Variants in DAW1 observed in about 807,000 individuals in gnomAD.
DAW1 encodes dynein assembly factor with WD repeat domains 1.
DAW1 carries 47 observed loss-of-function variants against 56.5 expected under a neutral mutation model. The observed-to-expected ratio is 0.83, with a 90% confidence interval of 0.66 to 1.06. The LOEUF (loss-of-function observed/expected upper bound fraction) is 1.06. Among genes scored for constraint, DAW1 ranks in the 50% least tolerant of loss-of-function variants. The pLI is 0.00. For synonymous variants in DAW1, 190 were observed against 179.0 expected (o/e 1.06, Z -0.49); for missense variants, 505 against 499.3 (o/e 1.01, Z -0.11).
intron 10 of DAW1, among the ~76,000 whole-genome samples, chr2:227,916,605 C>T (rs539232713): frequency 5.3e-5 from 8 of 152,262 alleles, no homozygotes; most frequent in South Asian, 2.1e-4. Context: ...TAGAAAATTA[C>T]ATATGATAAC....
chr2:227,876,388 C>A, intron 1 of DAW1: 1 of 1,252,626 alleles, frequency 8.0e-7, no homozygotes, highest in Non-Finnish European at 1.1e-6. Context: ...TAATGCTTAT[C>A]TTATAATGAG....
At chr2:227,899,350 T>A (rs1200563642) in intron 6 of DAW1, among the ~76,000 whole-genome samples, 1 of 152,242 alleles carries the variant, frequency 6.6e-6, no homozygotes, top group Non-Finnish European at 1.5e-5. Context: ...TGTTGTACTT[T>A]GAAGTTACTC....
At chr2:227,889,254 C>G (rs1360297258) in intron 2 of DAW1, among the ~76,000 whole-genome samples, 1 of 152,142 alleles carries the variant, frequency 6.6e-6, no homozygotes, top group Non-Finnish European at 1.5e-5. Flanking sequence ...AGACCTGAAA[C>G]AGGGTTATTT....
At position 227,871,655 on chromosome 2, in the gene DAW1, C is replaced by G; in HGVS notation, c.-35C>G. 9 of 1,609,574 alleles carry G rather than the reference C, an allele frequency of 5.6e-6. No individual in the cohort carries two copies. The highest frequency in any genetic ancestry group is 6.8e-6 in the Non-Finnish European group (8 of 1,177,904). ...TGCTGTTTAGCCGTTTCCAAGGCTACGAAGCCCATCGGCCGGGGATAAGAG... is the reference window on the plus strand; with the variant it reads ...TGCTGTTTAGCCGTTTCCAAGGCTAGGAAGCCCATCGGCCGGGGATAAGAG... On this transcript the variant is annotated 5_prime_UTR_variant, in exon 1 of 13. Transcript: ENST00000309931.
chr2:227,894,172 C>T (rs564938253), intron 5 of DAW1, among the ~76,000 whole-genome samples: 18 of 152,112 alleles, frequency 1.2e-4, no homozygotes, highest in Non-Finnish European at 2.2e-4. Context: ...GAGGCCGAGG[C>T]GGTGGATCAC....
chr2:227,922,973 G>A (rs1692145283), intron 12 of DAW1, among the ~76,000 whole-genome samples: 1 of 152,204 alleles, frequency 6.6e-6, no homozygotes, highest in Non-Finnish European at 1.5e-5. Context: ...CCTCATATGA[G>A]GCTGGCTCTG....
rs750185890 is a variant in DAW1 at position 227,918,825 on chromosome 2, A to T, written c.1019A>T (p.Lys340Ile). The T allele has an allele frequency of 1.5e-5, 24 of 1,614,164 alleles. No homozygotes were observed. The highest frequency in any genetic ancestry group is 2.0e-5 in the Non-Finnish European group (24 of 1,180,038). ...GCTGCCACAAGAAAATGCATTGCCA[A>T]ACTGGAAGGTCATGAAGGTGAAATT... ...FSAATRKCIAKLEGHEGEISK... is the reference protein window; with the variant it reads ...FSAATRKCIAILEGHEGEISK... The change falls in exon 11 of 13, where the codon AAA (lysine) becomes ATA (isoleucine). Residue 340 changes from lysine (K) to isoleucine (I), a missense_variant. Transcript: ENST00000309931.
intron 1 of DAW1, among the ~76,000 whole-genome samples, chr2:227,879,140 G>A (rs1400623708): frequency 2.0e-5 from 3 of 152,194 alleles, no homozygotes; most frequent in African/African-American, 7.2e-5. Context: ...AATACATCAA[G>A]GAATAGCTAA....
intron 1 of DAW1, among the ~76,000 whole-genome samples, chr2:227,879,464 A>G (rs1421314777): frequency 2.6e-4 from 40 of 152,020 alleles, no homozygotes; most frequent in Admixed American, 2.6e-3. Flanking sequence ...TTTTGTGGTT[A>G]TGGTTGAAAC....
chr2:227,898,200 G>A lies in DAW1; in HGVS notation c.459G>A (p.Gly153=). The A allele has an allele frequency of 6.4e-7, 1 of 1,572,778 alleles. No individual in the cohort carries two copies. Among genetic ancestry groups the A allele is most frequent in the South Asian group, 1.2e-5 (1 of 81,782 alleles). Residue 153 remains glycine, a synonymous_variant, in exon 6 of 13, where the codon GGG becomes GGA. Transcript: ENST00000309931. ...NNPYGDKIAT[G]SFDKTCKLWS... is the part of the protein sequence containing the mutation. Reference sequence around the variant, plus strand: ...ATCTTAGTGACAAAATCGCCACTGGGTCCTTTGATAAAACTTGTAAACTCT... The same window carrying A: ...ATCTTAGTGACAAAATCGCCACTGGATCCTTTGATAAAACTTGTAAACTCT...
chr2:227,901,190 G>C (rs1013769223), intron 6 of DAW1, among the ~76,000 whole-genome samples: 3 of 152,150 alleles, frequency 2.0e-5, no homozygotes, highest in Non-Finnish European at 2.9e-5. Flanking sequence ...AATGTGAGTA[G>C]AACTTGGTTA....
At chr2:227,899,817 A>T (rs1691494902) in intron 6 of DAW1, among the ~76,000 whole-genome samples, 1 of 152,206 alleles carries the variant, frequency 6.6e-6, no homozygotes, top group Non-Finnish European at 1.5e-5. Context: ...TAGGAACAAG[A>T]TACCTAGAAC....
intron 2 of DAW1, among the ~76,000 whole-genome samples, chr2:227,888,727 A>C (rs187331468): frequency 6.6e-6 from 1 of 152,236 alleles, no homozygotes; most frequent in Non-Finnish European, 1.5e-5. Flanking sequence ...CGTGTGTGAC[A>C]TGATTTGTGA....
intron 12 of DAW1, among the ~76,000 whole-genome samples, chr2:227,921,908 A>G (rs1271604559): frequency 6.6e-6 from 1 of 152,230 alleles, no homozygotes; most frequent in African/African-American, 2.4e-5. Flanking sequence ...GCTCATGCCA[A>G]CAATCTCAGT....
chr2:227,903,243 G>T (rs1691590689), intron 7 of DAW1, 134 bp downstream of exon 7: 1 of 884,758 alleles, frequency 1.1e-6, no homozygotes, highest in East Asian at 2.7e-5. Flanking sequence ...TGTCCCTACT[G>T]GTTTCCTGGC....
Position 227,885,367 on chromosome 2 carries a change from T to C in DAW1, c.57T>C (p.Tyr19=), listed in dbSNP as rs754552906. The C allele has an allele frequency of 1.1e-5, 17 of 1,599,946 alleles. No homozygotes were observed. In the African/African-American group the frequency reaches 2.2e-4, roughly 20 times the overall value. ...TTTCTATAGGAATTATGTTGGAATA[T>C]GAAAAACATGGAGAATTAAAGACTA... is the stretch of plus-strand genomic sequence containing the variant. ...RYYPPGIMLE[Y]EKHGELKTKS... The change falls in exon 2 of 13, where the codon TAT becomes TAC. Residue 19 remains tyrosine (Y), a synonymous_variant. Transcript: ENST00000309931.
chr2:227,918,148 C>CCATCCATCCATCCAT (rs1692010716), intron 10 of DAW1, among the ~76,000 whole-genome samples: 2 of 115,046 alleles, frequency 1.7e-5, no homozygotes, highest in Non-Finnish European at 3.8e-5. Context: ...ATCCGTCCAT[C>CCATCCATCCATCCAT]CATCCATCCA....
rs541800966 is a variant in DAW1, at chr2:227,881,743, C to CTT, written c.41-3582_41-3581dup. Among the ~76,000 whole-genome samples the CTT allele has an allele frequency of 9.1e-3, 717 of 78,648 alleles. 65 individuals are homozygous for CTT. Among genetic ancestry groups the CTT allele is most frequent in the African/African-American group, 0.022 (443 of 20,446 alleles). The allele number at this position is 78,648 out of a possible 152,430, so 51.6% of individuals were successfully genotyped here. A position where few individuals can be genotyped will look rare whatever the true frequency, so the allele number is the denominator to read the frequency against. ...ATACACTTTTTAACTCTGCCACATT[C>CTT]TTTTTTTTTTTTTTTTTTTTTTTTT... On this transcript the variant is annotated intron_variant, in intron 1 of 12. Coordinates refer to ENST00000309931, the MANE Select transcript of DAW1 (RefSeq NM_178821.3).
In DAW1 at chr2:227,898,274, C is replaced by T. The variant is rs749292740; in HGVS notation, c.533C>T (p.Ala178Val). The change falls in exon 6 of 13, where the codon GCA (alanine) becomes GTA (valine). Residue 178 changes from alanine (A) to valine (V), a missense_variant. By Grantham distance (64) the Ala-to-Val change is moderately conservative. Coordinates refer to ENST00000309931, the MANE Select transcript of DAW1 (RefSeq NM_178821.3). ...KCYHTFRGHT[A>V]EIVCLSFNPQ... is the part of the protein sequence containing the mutation. ...TACCATACCTTCAGGGGTCATACAG[C>T]AGAAATAGTGAGTATATTTAACAAT... 12 of 1,509,598 alleles carry T rather than the reference C, an allele frequency of 7.9e-6. No individual in the cohort carries two copies. In the South Asian group the frequency reaches 1.6e-4, roughly 20 times the overall value. The allele number at this position is 1,509,598 out of a possible 1,614,324, so 93.5% of individuals were successfully genotyped here. A position where few individuals can be genotyped will look rare whatever the true frequency, so the allele number is the denominator to read the frequency against.
Sources: gnomAD v4.1 joint callset for allele counts (sites outside exome capture counted in the v4.1 genomes callset) on GRCh38, gnomAD v4.1.1 for gene constraint, MANE v1.5 for transcripts, NCBI Gene and HGNC (gene_info 2026-07-23, HGNC 2026-07-21) for gene names.